The following SLC24A2 variants were observed in gnomAD, a reference collection of about 807,000 sequenced individuals.
SLC24A2 encodes the protein sodium/potassium/calcium exchanger 2.
SLC24A2 carries 36 observed loss-of-function variants against 62.0 expected under a neutral mutation model. The ratio of observed to expected loss-of-function variants is 0.58; its 90% CI spans 0.44 to 0.77. The LOEUF (loss-of-function observed/expected upper bound fraction) is 0.77, where lower values mean the gene tolerates loss of function less well. SLC24A2 is among the 30% of genes least tolerant of loss of function. SLC24A2 has a pLI of 0.00. For missense variants in SLC24A2, 846 were observed against 817.9 expected (o/e 1.03, Z -0.42); for synonymous variants, 358 against 294.0 (o/e 1.22, Z -2.23).
At chr9:19,920,756 C>T in the SLC24A2 span, among the ~76,000 whole-genome samples, 7 of 152,100 alleles carry the variant, frequency 4.6e-5, no homozygotes, top group African/African-American at 9.7e-5. Flanking sequence ...CAGTAAGGGA[C>T]GACACAACAG....
At chr9:20,290,478 G>C in the SLC24A2 span, among the ~76,000 whole-genome samples, 1 of 152,146 alleles carries the variant, frequency 6.6e-6, no homozygotes, top group Non-Finnish European at 1.5e-5. Context: ...AGCAGTTGCT[G>C]ATATCCACAT....
At chr9:20,164,582 C>T in the SLC24A2 span, among the ~76,000 whole-genome samples, 3 of 150,844 alleles carry the variant, frequency 2.0e-5, no homozygotes, top group Admixed American at 2.0e-4. Context: ...GTGGCGATTC[C>T]TCAGGGATCT....
At chr9:19,782,312 C>T (rs1015162571) in intron 2 of SLC24A2, among the ~76,000 whole-genome samples, 1 of 152,156 alleles carries the variant, frequency 6.6e-6, no homozygotes, top group Admixed American at 6.5e-5. Context: ...ACCAGCTATA[C>T]AGACATTTTA....
chr9:19,863,584 A>T, the SLC24A2 span, among the ~76,000 whole-genome samples: 1 of 152,000 alleles, frequency 6.6e-6, no homozygotes, highest in Non-Finnish European at 1.5e-5. Context: ...ATACAAATAC[A>T]TGGAAATTAA....
At position 19,557,470 on chromosome 9, in the gene SLC24A2, T is replaced by G. The variant is rs575744736; in HGVS notation, c.1348-7202A>C. On this transcript the variant is annotated intron_variant, in intron 7 of 10. Transcript: ENST00000341998. ...AGGTACAAAATAATACAAGGGAGTT[T>G]ATCTGAATAGCTTGTTTACTCATGT... Among the ~76,000 whole-genome samples the G allele has an allele frequency of 3.9e-5, 6 of 152,358 alleles. No homozygotes were observed. In the South Asian group the frequency reaches 1.2e-3, roughly 32 times the overall value.
the SLC24A2 span, among the ~76,000 whole-genome samples, chr9:19,940,530 C>A: frequency 6.6e-6 from 1 of 152,096 alleles, no homozygotes; most frequent in African/African-American, 2.4e-5. Context: ...ATGTCTCTCC[C>A]AAATTCAACC....
chr9:20,104,177 C>T, the SLC24A2 span, among the ~76,000 whole-genome samples: 7 of 152,282 alleles, frequency 4.6e-5, no homozygotes, highest in Non-Finnish European at 5.9e-5. Flanking sequence ...TGAACAAAGC[C>T]TCCAAGAAAT....
At chr9:19,795,489 T>C in the SLC24A2 span, among the ~76,000 whole-genome samples, 1 of 152,206 alleles carries the variant, frequency 6.6e-6, no homozygotes, top group African/African-American at 2.4e-5. Context: ...ATTGAAAAAC[T>C]GTAAATCTTT....
chr9:19,793,328 G>C (rs921833098), upstream of SLC24A2, among the ~76,000 whole-genome samples: 2 of 152,232 alleles, frequency 1.3e-5, no homozygotes, highest in African/African-American at 4.8e-5. Context: ...TGCTGTTGCA[G>C]GGAGAAAAGA....
chr9:20,244,218 C>T, the SLC24A2 span, among the ~76,000 whole-genome samples: 1 of 152,062 alleles, frequency 6.6e-6, no homozygotes, highest in Non-Finnish European at 1.5e-5. Context: ...ATAAACTATC[C>T]GGTTAAAACG....
chr9:20,273,106 G>C, the SLC24A2 span, among the ~76,000 whole-genome samples: 5 of 152,184 alleles, frequency 3.3e-5, no homozygotes, highest in Admixed American at 2.0e-4. Context: ...AACAGAGGAT[G>C]TGGACAGCCC....
the SLC24A2 span, among the ~76,000 whole-genome samples, chr9:20,044,651 C>T: frequency 1.3e-5 from 1 of 78,550 alleles, no homozygotes; most frequent in South Asian, 5.1e-4. Context: ...ATACAATGAC[C>T]CAGATCATAA....
intron 8 of SLC24A2, among the ~76,000 whole-genome samples, chr9:19,533,503 C>G (rs1463318619): frequency 6.6e-6 from 1 of 152,232 alleles, no homozygotes; most frequent in Non-Finnish European, 1.5e-5. Flanking sequence ...GTGCAAATTT[C>G]AAACTAGATC....
chr9:19,561,804 C>T (rs906599696), intron 7 of SLC24A2, among the ~76,000 whole-genome samples: 7 of 151,906 alleles, frequency 4.6e-5, no homozygotes, highest in African/African-American at 2.4e-5. Context: ...TTTATAATAC[C>T]ATCATATGGT....
the SLC24A2 span, among the ~76,000 whole-genome samples, chr9:20,009,672 T>C: frequency 6.6e-6 from 1 of 152,142 alleles, no homozygotes; most frequent in Non-Finnish European, 1.5e-5. Context: ...CCCTGTCCAA[T>C]GCTAGTAGTG....
At chr9:19,795,703 A>G in the SLC24A2 span, among the ~76,000 whole-genome samples, 1 of 152,048 alleles carries the variant, frequency 6.6e-6, no homozygotes, top group South Asian at 2.1e-4. Context: ...TCCTCTCACA[A>G]TATTCTCCCC....
chr9:19,957,531 C>A, the SLC24A2 span: 1 of 152,266 alleles, frequency 6.6e-6, no homozygotes, highest in Non-Finnish European at 1.5e-5. Context: ...GTCAGTTCCA[C>A]TGGGAAGGGC....
chr9:20,017,507 G>A, the SLC24A2 span, among the ~76,000 whole-genome samples: 3 of 152,130 alleles, frequency 2.0e-5, no homozygotes, highest in Non-Finnish European at 4.4e-5. Flanking sequence ...TAATAGGATA[G>A]ATGTACATAT....
chr9:19,661,597 CACATTT>C (rs1472907697), intron 2 of SLC24A2, among the ~76,000 whole-genome samples: 1 of 152,202 alleles, frequency 6.6e-6, no homozygotes, highest in East Asian at 1.9e-4. Flanking sequence ...CTTCCTTGAA[CACATTT>C]ACATTTACAG....
Sources: gnomAD v4.1 joint callset for allele counts (sites outside exome capture counted in the v4.1 genomes callset) on GRCh38, gnomAD v4.1.1 for gene constraint, MANE v1.5 for transcripts, NCBI Gene and HGNC (gene_info 2026-07-23, HGNC 2026-07-21) for gene names.